The following AP3B1 variants were observed in gnomAD, a reference collection of about 807,000 sequenced individuals.
AP3B1 encodes the protein adaptor related protein complex 3 subunit beta 1.
AP3B1 carries 61 observed loss-of-function variants against 132.5 expected under a neutral mutation model. The ratio of observed to expected loss-of-function variants is 0.46; its 90% CI spans 0.37 to 0.57. The LOEUF (loss-of-function observed/expected upper bound fraction) is 0.57. Among genes scored for constraint, AP3B1 ranks in the 20% least tolerant of loss-of-function variants. The pLI, the probability that AP3B1 is intolerant of heterozygous loss-of-function variation, is 0.00. For missense variants in AP3B1, 1,120 were observed against 1,289.4 expected, an observed-to-expected ratio of 0.87 and a Z score of 2.01; for synonymous variants, 388 against 438.3, an observed-to-expected ratio of 0.89 and a Z score of 1.43.
chr5:78,077,575 A>T (rs916496564), intron 22 of AP3B1, among the ~76,000 whole-genome samples: 1 of 152,174 alleles, frequency 6.6e-6, no homozygotes, highest in Admixed American at 6.5e-5. Flanking sequence ...CAAGTATCAG[A>T]TCTGGTTACA....
chr5:78,042,025 A>G (rs1214245072), intron 22 of AP3B1: 2 of 209,862 alleles, frequency 9.5e-6, no homozygotes, highest in African/African-American at 2.3e-5. Flanking sequence ...CACTTGCTCC[A>G]CAAACACAGA....
chr5:78,136,000 T>A (rs1027764956), intron 15 of AP3B1, among the ~76,000 whole-genome samples: 1 of 99,188 alleles, frequency 1.0e-5, no homozygotes, highest in African/African-American at 3.3e-5. Context: ...TTTCTAACCA[T>A]TTTTTTCTTC....
chr5:78,003,234 C>T (rs1042495725), intron 26 of AP3B1, among the ~76,000 whole-genome samples, 179 bp from the exon 27 acceptor site: 5 of 152,174 alleles, frequency 3.3e-5, no homozygotes, highest in Non-Finnish European at 7.3e-5. Context: ...ACTGTCCAGC[C>T]CATGCTAACC....
chr5:78,226,212 A>C (rs1467446961), intron 5 of AP3B1, among the ~76,000 whole-genome samples: 1 of 152,092 alleles, frequency 6.6e-6, no homozygotes, highest in Non-Finnish European at 1.5e-5. Flanking sequence ...AGGACTTTTA[A>C]GCCGTTAGAG....
chr5:78,196,193 A>AT (rs1187831349), intron 7 of AP3B1, among the ~76,000 whole-genome samples: 7 of 152,190 alleles, frequency 4.6e-5, no homozygotes, highest in Admixed American at 3.3e-4. Context: ...TAACAGCCCA[A>AT]TTTTTTAAAA....
chr5:78,126,697 T>C (rs1334176542), intron 17 of AP3B1, among the ~76,000 whole-genome samples: 2 of 152,066 alleles, frequency 1.3e-5, no homozygotes, highest in African/African-American at 2.4e-5. Flanking sequence ...TACAGATCAT[T>C]TGTCAAAACA....
At chr5:78,161,974 A>G (rs539620905) in intron 13 of AP3B1, among the ~76,000 whole-genome samples, 1 of 152,232 alleles carries the variant, frequency 6.6e-6, no homozygotes, top group African/African-American at 2.4e-5. Flanking sequence ...ATGGGCTGCT[A>G]TATCATATAT....
chr5:78,122,380 T>C lies in AP3B1; in HGVS notation c.1968+5650A>G, dbSNP rs141293870. The stretch of plus-strand genomic sequence containing the variant: ...GGCAGGAGAAGGAAATAAAGGGCAT[T>C]CAATTAGGAAAAGATGAAGTCAAAT... On this transcript the variant is annotated intron_variant, in intron 17 of 26. Coordinates refer to ENST00000255194, the MANE Select transcript of AP3B1 (RefSeq NM_003664.5). Among the ~76,000 whole-genome samples the C allele has an allele frequency of 4.7e-3, 716 of 152,308 alleles. 4 individuals are homozygous for C. The highest frequency in any genetic ancestry group is 0.016 in the African/African-American group (668 of 41,556).
chr5:78,074,368 G>A (rs886991323), intron 22 of AP3B1, among the ~76,000 whole-genome samples: 1 of 152,074 alleles, frequency 6.6e-6, no homozygotes, highest in Non-Finnish European at 1.5e-5. Flanking sequence ...CTAGGCAATG[G>A]AAGCACAAAA....
At chr5:78,170,968 C>A (rs757774793) in intron 11 of AP3B1, among the ~76,000 whole-genome samples, 13 of 152,132 alleles carry the variant, frequency 8.5e-5, no homozygotes, top group Non-Finnish European at 1.8e-4. Context: ...CCAGTTTTCC[C>A]AGCACCATTT....
intron 2 of AP3B1, among the ~76,000 whole-genome samples, chr5:78,262,683 C>CT (rs71613943): frequency 0.26 from 36,871 of 143,708 alleles, 5,278 homozygotes; most frequent in Middle Eastern, 0.34. Flanking sequence ...CAATTTTGTT[C>CT]TTTTTTTTTT....
intron 6 of AP3B1, among the ~76,000 whole-genome samples, chr5:78,220,092 T>C (rs1746117470): frequency 6.6e-6 from 1 of 152,128 alleles, no homozygotes; most frequent in South Asian, 2.1e-4. Context: ...GGGAGAAATG[T>C]ACCTGTCTTC....
intron 3 of AP3B1, among the ~76,000 whole-genome samples, chr5:78,240,599 G>C (rs1747087502): frequency 6.6e-6 from 1 of 152,142 alleles, no homozygotes; most frequent in East Asian, 1.9e-4. Flanking sequence ...CGGGCCTCTA[G>C]GAACAGGTGA....
At chr5:78,267,065 GT>G (rs1241168636) in intron 2 of AP3B1, among the ~76,000 whole-genome samples, 2 of 151,972 alleles carry the variant, frequency 1.3e-5, no homozygotes, top group Non-Finnish European at 2.9e-5. Context: ...TTTATTAGAA[GT>G]TCTAGGCTTC....
chr5:78,121,476 G>A (rs1752191006), intron 17 of AP3B1, among the ~76,000 whole-genome samples: 1 of 151,784 alleles, frequency 6.6e-6, no homozygotes, highest in South Asian at 2.1e-4. Flanking sequence ...AAAGAGAGAA[G>A]AATCAAATAG....
intron 11 of AP3B1, among the ~76,000 whole-genome samples, chr5:78,166,786 C>A (rs890588482): frequency 6.6e-6 from 1 of 152,136 alleles, no homozygotes; most frequent in Non-Finnish European, 1.5e-5. Flanking sequence ...GGATAATTGG[C>A]AAGCCACATG....
intron 19 of AP3B1, among the ~76,000 whole-genome samples, chr5:78,110,788 G>A (rs1027646893): frequency 1.4e-5 from 2 of 146,642 alleles, no homozygotes; most frequent in African/African-American, 2.5e-5. Context: ...ATATATATAC[G>A]TATATGAGAC....
chr5:78,124,471 G>C (rs2112290152), intron 17 of AP3B1, among the ~76,000 whole-genome samples: 2 of 152,272 alleles, frequency 1.3e-5, no homozygotes, highest in South Asian at 4.1e-4. Flanking sequence ...AGCACTTTGG[G>C]AGCTGAGGCA....
chr5:78,128,302 A>G (rs1752550105), intron 16 of AP3B1, 142 bp from the exon 17 acceptor site: 10 of 715,180 alleles, frequency 1.4e-5, no homozygotes, highest in Non-Finnish European at 2.2e-5. Flanking sequence ...TTCATAGGTC[A>G]AAAAACTGAT....
Sources: gnomAD v4.1 joint callset for allele counts (sites outside exome capture counted in the v4.1 genomes callset) on GRCh38, gnomAD v4.1.1 for gene constraint, MANE v1.5 for transcripts, NCBI Gene and HGNC (gene_info 2026-07-23, HGNC 2026-07-21) for gene names.